RNF150: variants seen among roughly 807,000 people sequenced by gnomAD.
RNF150 encodes ring finger protein 150.
RNF150 carries 24 observed loss-of-function variants against 39.3 expected under a neutral mutation model. The observed-to-expected ratio is 0.61, with a 90% CI of 0.44 to 0.86. RNF150 has a LOEUF of 0.86. Ranked by LOEUF, RNF150 falls within the 40% of genes least tolerant of loss-of-function variation. RNF150 has a pLI of 0.00. For missense variants in RNF150, 502 were observed against 587.8 expected, an observed-to-expected ratio of 0.85 and a Z score of 1.51; for synonymous variants, 255 against 227.3, an observed-to-expected ratio of 1.12 and a Z score of -1.10.
intron 1 of RNF150, among the ~76,000 whole-genome samples, chr4:141,070,453 A>C (rs1347890032): frequency 7.4e-5 from 11 of 147,870 alleles, no homozygotes; most frequent in African/African-American, 2.2e-4. Context: ...CAACCTACAA[A>C]ATGGGAGAAA....
chr4:141,186,411 T>C (rs968689265), intron 1 of RNF150, among the ~76,000 whole-genome samples: 2 of 152,096 alleles, frequency 1.3e-5, no homozygotes, highest in South Asian at 4.1e-4. Context: ...TTTAGTCTTG[T>C]TTTTTTGAGA....
chr4:140,899,561 T>TGA (rs1184492816), intron 6 of RNF150, among the ~76,000 whole-genome samples: 5 of 152,136 alleles, frequency 3.3e-5, no homozygotes, highest in South Asian at 2.1e-4. Flanking sequence ...TGTGTGTGCA[T>TGA]GTGTGTATGC....
chr4:141,126,706 T>C (rs1726764539), intron 1 of RNF150, among the ~76,000 whole-genome samples: 1 of 152,214 alleles, frequency 6.6e-6, no homozygotes, highest in Non-Finnish European at 1.5e-5. Context: ...CTGGGTTTTC[T>C]GATCAAGAAG....
At chr4:140,871,011 T>C (rs1382530305) in intron 6 of RNF150, among the ~76,000 whole-genome samples, 1 of 150,444 alleles carries the variant, frequency 6.6e-6, no homozygotes, top group African/African-American at 2.5e-5. Flanking sequence ...TCTATATATA[T>C]ATATATGTAT....
chr4:141,015,936 G>C lies in RNF150; in HGVS notation c.485-48063C>G, dbSNP rs186844813. On this transcript the variant is annotated intron_variant, in intron 1 of 6. Transcript: ENST00000515673. ...GCGGATCATTGCTAGTTACATTTTG[G>C]GGGGTGGGGTGTGTGAAACCAAGGA... Among the ~76,000 whole-genome samples the C allele has an allele frequency of 2.6e-4, 40 of 152,062 alleles. No homozygotes were observed. In the East Asian group the frequency reaches 4.5e-3, roughly 17 times the overall value.
chr4:141,036,567 A>C (rs1464095369), intron 1 of RNF150, among the ~76,000 whole-genome samples: 1 of 152,176 alleles, frequency 6.6e-6, no homozygotes, highest in Admixed American at 6.5e-5. Context: ...ATGGGTAATA[A>C]CGTGTTCCTG....
At chr4:141,000,097 A>AGAAGAAGAAGAAGAGGAG (rs1734607860) in intron 1 of RNF150, among the ~76,000 whole-genome samples, 1 of 132,086 alleles carries the variant, frequency 7.6e-6, no homozygotes, top group Non-Finnish European at 1.7e-5. Flanking sequence ...GAGAAGAAGA[A>AGAAGAAGAAGAAGAGGAG]GAAGAAGAAG....
chr4:140,864,964 T>C lies in RNF150; in HGVS notation c.*3297A>G, dbSNP rs1728642748. 1 of 152,230 alleles carries C rather than the reference T, an allele frequency of 6.6e-6. No individual in the cohort carries two copies. The highest frequency in any genetic ancestry group is 2.4e-5 in the African/African-American group (1 of 41,462). The allele number at this position is 152,230 out of a possible 1,614,324, so 9.4% of individuals were successfully genotyped here. A position where few individuals can be genotyped will look rare whatever the true frequency, so the allele number is the denominator to read the frequency against. On this transcript the variant is annotated 3_prime_UTR_variant, in exon 7 of 7. Transcript: ENST00000515673. The stretch of plus-strand genomic sequence containing the variant: ...ACCTCTGGGCCTCTCATTAGGCGAC[T>C]TGGGTGGTGTCCAGTTCTCCCTGGA...
Position 141,151,261 on chromosome 4 carries a change from G to A in RNF150, c.-6+61533C>T, listed in dbSNP as rs1727291669. On this transcript the variant is annotated intron_variant, in intron 1 of 7. Coordinates refer to the RNF150 transcript ENST00000420921. ...GCCCAGCCAAGTTTTGTTTTTTATAGTTGTATAAGAGTTGTTAGAATAAAC... is the reference window on the plus strand; with the variant it reads ...GCCCAGCCAAGTTTTGTTTTTTATAATTGTATAAGAGTTGTTAGAATAAAC... Among the ~76,000 whole-genome samples, 3 of 152,060 alleles carry A rather than the reference G, an allele frequency of 2.0e-5. No individual in the cohort carries two copies. The South Asian group carries it at 6.2e-4, about 32-fold the overall frequency.
intron 1 of RNF150, among the ~76,000 whole-genome samples, chr4:140,994,029 C>G (rs955407539): frequency 6.6e-6 from 1 of 152,204 alleles, no homozygotes; most frequent in African/African-American, 2.4e-5. Context: ...CCACCAACAT[C>G]TGAGAATATA....
At chr4:141,039,910 C>T (rs559154184) in intron 1 of RNF150, among the ~76,000 whole-genome samples, 7 of 152,202 alleles carry the variant, frequency 4.6e-5, no homozygotes, top group Non-Finnish European at 4.4e-5. Flanking sequence ...GGAAGAAGCA[C>T]GTTGAGCCAA....
intron 2 of RNF150, among the ~76,000 whole-genome samples, chr4:140,963,910 A>G (rs1733136012): frequency 6.6e-6 from 1 of 152,064 alleles, no homozygotes; most frequent in South Asian, 2.1e-4. Flanking sequence ...ATAACATGAT[A>G]AAATATATAT....
chr4:140,945,225 A>G (rs1732237849), intron 4 of RNF150, among the ~76,000 whole-genome samples: 1 of 152,192 alleles, frequency 6.6e-6, no homozygotes, highest in African/African-American at 2.4e-5. Flanking sequence ...AAACTAAACT[A>G]GCCAAGAGCA....
intron 1 of RNF150, among the ~76,000 whole-genome samples, chr4:141,069,592 A>C (rs903204561): frequency 8.5e-4 from 128 of 150,116 alleles, no homozygotes; most frequent in African/African-American, 3.0e-3. Context: ...GTTAGGGAGG[A>C]TTCCCTCTTT....
At chr4:141,186,319 G>C (rs1486981063) in intron 1 of RNF150, among the ~76,000 whole-genome samples, 4 of 152,204 alleles carry the variant, frequency 2.6e-5, no homozygotes, top group Non-Finnish European at 5.9e-5. Flanking sequence ...TATTTGCATA[G>C]AGGTGTTCAT....
At chr4:140,938,721 G>T (rs1344319849) in intron 4 of RNF150, among the ~76,000 whole-genome samples, 1 of 152,146 alleles carries the variant, frequency 6.6e-6, no homozygotes, top group Non-Finnish European at 1.5e-5. Flanking sequence ...TGTTTAGAAA[G>T]CTTTACCAAT....
At chr4:141,057,476 T>C (rs1010524985) in intron 1 of RNF150, among the ~76,000 whole-genome samples, 3 of 152,114 alleles carry the variant, frequency 2.0e-5, no homozygotes, top group Non-Finnish European at 4.4e-5. Flanking sequence ...TGGTGATTTA[T>C]GAGATTTTAG....
At chr4:141,085,999 T>C (rs1355296039) in intron 1 of RNF150, among the ~76,000 whole-genome samples, 3 of 150,086 alleles carry the variant, frequency 2.0e-5, no homozygotes, top group Non-Finnish European at 4.4e-5. Context: ...TTAATGCTAA[T>C]GGAGCTTAAA....
chr4:141,027,921 T>TTTTTTGTTTTG (rs1735773036), intron 1 of RNF150, among the ~76,000 whole-genome samples: 1 of 59,604 alleles, frequency 1.7e-5, no homozygotes, highest in African/African-American at 6.8e-5. Flanking sequence ...TGTTTTTTTT[T>TTTTTTGTTTTG]TTTTGTTTTT....
Sources: allele counts gnomAD v4.1 joint callset (sites outside exome capture counted in the v4.1 genomes callset), GRCh38; gene constraint gnomAD v4.1.1; transcripts MANE v1.5; gene names NCBI Gene and HGNC (gene_info 2026-07-23, HGNC 2026-07-21).